The following COBL variants were observed in gnomAD, a reference collection of about 807,000 sequenced individuals.
COBL encodes the protein cordon-bleu WH2 repeat protein.
COBL carries 51 observed loss-of-function variants against 98.8 expected under a neutral mutation model. The ratio of observed to expected loss-of-function variants is 0.52; its 90% CI spans 0.41 to 0.65. The LOEUF is 0.65. Ranked by LOEUF, COBL falls within the 30% of genes least tolerant of loss-of-function variation. The probability of loss-of-function intolerance (pLI) is 0.00; values close to 1 mark genes in which losing one functional copy is unlikely to be tolerated. For synonymous variants in COBL, 634 were observed against 651.7 expected (o/e 0.97, Z 0.41); for missense variants, 1,617 against 1,617.5 (o/e 1.00, Z 0.01).
Position 51,077,190 on chromosome 7 carries a change from A to G in COBL, c.1096+7976T>C, listed in dbSNP as rs564852484. 2.0e-5 allele frequency among the ~76,000 whole-genome samples: 3 copies of G among 152,316 alleles called. No homozygotes were observed. The East Asian group carries it at 5.8e-4, about 29-fold the overall frequency. ...ATAAAGCATCTGTGTACATGATTAG[A>G]TATCTGAAGTTTAATGCAAAATCTT... On this transcript the variant is annotated intron_variant, in intron 7 of 12. Coordinates refer to ENST00000265136, the MANE Select transcript of COBL (RefSeq NM_015198.5).
Position 51,061,923 on chromosome 7 carries a change from T to TA in COBL, c.1097-18232dup, listed in dbSNP as rs201024159. On this transcript the variant is annotated intron_variant, in intron 7 of 12. Transcript: ENST00000265136. Reference sequence around the variant, plus strand: ...CTATAATTACACAAGGCCATCCCTATAAAAAAAAATCTCTCCCCACCATAG... The same window carrying TA: ...CTATAATTACACAAGGCCATCCCTATAAAAAAAAAATCTCTCCCCACCATAG... Among the ~76,000 whole-genome samples, 871 of 138,614 alleles carry TA rather than the reference T, an allele frequency of 6.3e-3. 12 individuals carry two copies. The highest frequency in any genetic ancestry group is 0.024 in the African/African-American group (778 of 32,644). 90.9% of individuals were successfully genotyped at this position (138,614 alleles called of 152,430 possible).
intron 4 of COBL, among the ~76,000 whole-genome samples, chr7:51,185,390 C>T (rs1219596301): frequency 6.6e-6 from 1 of 152,166 alleles, no homozygotes; most frequent in African/African-American, 2.4e-5. Context: ...AGATTAAGAG[C>T]GCCCATGTGT....
At chr7:51,198,924 A>G (rs1470579601) in intron 2 of COBL, among the ~76,000 whole-genome samples, 2 of 152,192 alleles carry the variant, frequency 1.3e-5, no homozygotes, top group Non-Finnish European at 2.9e-5. Context: ...ATACACTGAG[A>G]AATCAGGCCC....
intron 5 of COBL, among the ~76,000 whole-genome samples, chr7:51,146,762 A>T (rs1199565192): frequency 6.6e-6 from 1 of 152,074 alleles, no homozygotes; most frequent in Admixed American, 6.6e-5. Flanking sequence ...GGTGGTGCAG[A>T]GGGGGAGTCG....
intron 6 of COBL, among the ~76,000 whole-genome samples, chr7:51,103,893 G>C (rs1324100796): frequency 1.3e-5 from 2 of 152,242 alleles, no homozygotes; most frequent in Non-Finnish European, 2.9e-5. Flanking sequence ...CTTCCCGACA[G>C]GCCTGCCCGC....
chr7:51,153,032 C>T (rs1359965640), intron 5 of COBL, among the ~76,000 whole-genome samples: 28 of 152,186 alleles, frequency 1.8e-4, no homozygotes, highest in Admixed American at 1.8e-3. Flanking sequence ...CACTAGCCTA[C>T]TATTGTATAT....
At chr7:51,066,198 T>C (rs1791905561) in intron 7 of COBL, among the ~76,000 whole-genome samples, 1 of 152,214 alleles carries the variant, frequency 6.6e-6, no homozygotes, top group Non-Finnish European at 1.5e-5. Flanking sequence ...TGGTGTCCTC[T>C]GATCTTCCTT....
intron 1 of COBL, among the ~76,000 whole-genome samples, chr7:51,228,473 A>G (rs1055608466): frequency 2.0e-5 from 3 of 152,132 alleles, no homozygotes; most frequent in African/African-American, 4.8e-5. Context: ...AATGCCTAAT[A>G]AAAGCTCATT....
intron 6 of COBL, among the ~76,000 whole-genome samples, chr7:51,118,492 G>A (rs541086217): frequency 5.3e-5 from 8 of 152,084 alleles, no homozygotes; most frequent in Non-Finnish European, 7.4e-5. Context: ...GGGGCCACCT[G>A]CATTTCACAA....
intron 1 of COBL, among the ~76,000 whole-genome samples, chr7:51,314,465 C>G (rs1803343561): frequency 6.6e-6 from 1 of 152,218 alleles, no homozygotes; most frequent in South Asian, 2.1e-4. Flanking sequence ...CAATAATGTA[C>G]TAAAGCCACA....
At chr7:51,302,107 C>G (rs1325989258) in intron 1 of COBL, among the ~76,000 whole-genome samples, 2 of 152,170 alleles carry the variant, frequency 1.3e-5, no homozygotes, top group South Asian at 4.1e-4. Flanking sequence ...GAGGTGCTTA[C>G]AAACTAGGTG....
At chr7:51,229,209 C>T (rs763522038) in intron 1 of COBL, among the ~76,000 whole-genome samples, 2 of 152,206 alleles carry the variant, frequency 1.3e-5, no homozygotes, top group Non-Finnish European at 2.9e-5. Flanking sequence ...CAGAGGCATC[C>T]GATCCAATTC....
chr7:51,296,417 A>C (rs1395894147), intron 1 of COBL, among the ~76,000 whole-genome samples: 1 of 152,170 alleles, frequency 6.6e-6, no homozygotes, highest in Non-Finnish European at 1.5e-5. Context: ...GATTAAATGA[A>C]GGCGTGCAAT....
chr7:51,027,230 T>G (rs921400606), intron 10 of COBL, among the ~76,000 whole-genome samples: 3 of 152,242 alleles, frequency 2.0e-5, no homozygotes, highest in African/African-American at 7.2e-5. Context: ...GAGATAATAC[T>G]TGTGGTGTGT....
At chr7:51,096,557 T>G (rs1463262770) in intron 6 of COBL, among the ~76,000 whole-genome samples, 1 of 152,050 alleles carries the variant, frequency 6.6e-6, no homozygotes, top group Admixed American at 6.5e-5. Context: ...GGTTAAAATA[T>G]TAACAGAATT....
chr7:51,123,301 C>T (rs911419849), intron 6 of COBL, among the ~76,000 whole-genome samples: 3 of 152,186 alleles, frequency 2.0e-5, no homozygotes, highest in Non-Finnish European at 2.9e-5. Context: ...ACATGGGTTC[C>T]AGACTTCTTG....
intron 2 of COBL, among the ~76,000 whole-genome samples, chr7:51,194,420 T>C (rs550587550): frequency 1.3e-5 from 2 of 152,332 alleles, no homozygotes; most frequent in East Asian, 1.9e-4. Flanking sequence ...GCAATGAACA[T>C]ACACATGCAT....
intron 1 of COBL, among the ~76,000 whole-genome samples, chr7:51,223,602 G>A (rs1793874079): frequency 6.6e-6 from 1 of 152,120 alleles, no homozygotes; most frequent in South Asian, 2.1e-4. Context: ...CAGTTTCCAG[G>A]AAACCAACCA....
At chr7:51,060,366 G>A (rs1334782845) in intron 7 of COBL, among the ~76,000 whole-genome samples, 1 of 152,200 alleles carries the variant, frequency 6.6e-6, no homozygotes, top group African/African-American at 2.4e-5. Flanking sequence ...ATTCCAGAGA[G>A]CATTGCTTCT....
Sources: allele counts gnomAD v4.1 joint callset (sites outside exome capture counted in the v4.1 genomes callset), GRCh38; gene constraint gnomAD v4.1.1; transcripts MANE v1.5; gene names NCBI Gene and HGNC (gene_info 2026-07-23, HGNC 2026-07-21).